Variants in ZSWIM6 observed in about 807,000 individuals in gnomAD.
ZSWIM6 encodes zinc finger SWIM-type containing 6, also known as zinc finger SWIM domain-containing protein 6.
ZSWIM6 carries 9 observed loss-of-function variants against 113.2 expected under a neutral mutation model. The ratio of observed to expected loss-of-function variants is 0.08; its 90% CI spans 0.05 to 0.14. The LOEUF (loss-of-function observed/expected upper bound fraction) is 0.14. Among genes scored for constraint, ZSWIM6 ranks in the 10% least tolerant of loss-of-function variants. ZSWIM6 has a pLI of 1.00. For synonymous variants in ZSWIM6, 611 were observed against 606.5 expected (o/e 1.01, Z -0.11); for missense variants, 1,162 against 1,552.2 (o/e 0.75, Z 4.22).
intron 1 of ZSWIM6, among the ~76,000 whole-genome samples, chr5:61,458,421 G>T (rs1464421764): frequency 6.6e-6 from 1 of 152,140 alleles, no homozygotes; most frequent in Admixed American, 6.5e-5. Context: ...AGATAACAGA[G>T]ATCCTAAACT....
intron 12 of ZSWIM6, 44 bp from the exon 13 acceptor site, chr5:61,541,840 C>A: frequency 6.9e-7 from 1 of 1,441,002 alleles, no homozygotes; most frequent in Admixed American, 2.1e-5. Flanking sequence ...TTTTCATTGA[C>A]TCAGGATAAT....
At chr5:61,508,461 C>T (rs1467803391) in intron 4 of ZSWIM6, among the ~76,000 whole-genome samples, 1 of 152,102 alleles carries the variant, frequency 6.6e-6, no homozygotes, top group Non-Finnish European at 1.5e-5. Flanking sequence ...TACAGCTCTT[C>T]TCATATGATG....
chr5:61,525,948 C>A lies in ZSWIM6; in HGVS notation c.1662C>A (p.Phe554Leu). ...CYHDDTENSL[F>L]DSRGWPLWHE... ...ATGACGACACTGAAAACTCCCTCTT[C>A]GACTCCCGCGGGTGGCCCCTCTGGC... Residue 554 changes from phenylalanine to leucine, a missense_variant, in exon 6 of 14, where the codon TTC (phenylalanine) becomes TTA (leucine). Physicochemically the swap from Phe to Leu is conservative, Grantham distance 22 (BLOSUM62 0). Around this residue, in one of 4 missense-constraint regions of ZSWIM6, gnomAD observed 620 missense variants for 804.6 expected, o/e 0.77. Transcript: ENST00000252744. The A allele has an allele frequency of 1.3e-6, 2 of 1,552,148 alleles. No individual in the cohort carries two copies. Among genetic ancestry groups the A allele is most frequent in the Non-Finnish European group, 1.7e-6 (2 of 1,147,050 alleles).
At chr5:61,497,061 T>G (rs1373000123) in intron 4 of ZSWIM6, among the ~76,000 whole-genome samples, 1 of 149,514 alleles carries the variant, frequency 6.7e-6, no homozygotes, top group African/African-American at 2.5e-5. Flanking sequence ...TCCTTAGCAC[T>G]GGTGGATTCG....
intron 1 of ZSWIM6, among the ~76,000 whole-genome samples, chr5:61,435,118 A>T (rs1293928003): frequency 6.6e-6 from 1 of 152,130 alleles, no homozygotes; most frequent in African/African-American, 2.4e-5. Context: ...ACTTCTATGG[A>T]CCTTCTGTCA....
At chr5:61,482,356 G>C (rs1051401817) in intron 2 of ZSWIM6, among the ~76,000 whole-genome samples, 7 of 148,218 alleles carry the variant, frequency 4.7e-5, no homozygotes, top group Admixed American at 2.7e-4. Flanking sequence ...TGGGGAGCGT[G>C]GGGGGTTAGG....
chr5:61,434,152 A>C (rs1746648105), intron 1 of ZSWIM6, among the ~76,000 whole-genome samples: 1 of 147,470 alleles, frequency 6.8e-6, no homozygotes, highest in Non-Finnish European at 1.5e-5. Context: ...TATAACATAT[A>C]TATAAATATA....
chr5:61,504,550 A>G (rs1198738602), intron 4 of ZSWIM6, among the ~76,000 whole-genome samples: 1 of 152,208 alleles, frequency 6.6e-6, no homozygotes, highest in African/African-American at 2.4e-5. Context: ...GCATTAAGAA[A>G]TTGTTTTTTT....
intron 2 of ZSWIM6, among the ~76,000 whole-genome samples, chr5:61,476,157 T>A (rs1232899780): frequency 6.6e-6 from 1 of 152,208 alleles, no homozygotes; most frequent in Non-Finnish European, 1.5e-5. Flanking sequence ...CCCTTTTTCC[T>A]TGTGAACTTA....
chr5:61,402,300 G>A (rs888576300), intron 1 of ZSWIM6, among the ~76,000 whole-genome samples: 3 of 152,142 alleles, frequency 2.0e-5, no homozygotes, highest in Admixed American at 6.5e-5. Flanking sequence ...TCAATGGAGA[G>A]AATGAATTTG....
intron 10 of ZSWIM6, among the ~76,000 whole-genome samples, chr5:61,536,089 C>T (rs904484336): frequency 6.6e-6 from 1 of 152,214 alleles, no homozygotes; most frequent in South Asian, 2.1e-4. Context: ...CATCTGTATT[C>T]ACTGGAGGCT....
At chr5:61,493,706 T>C (rs1748245477) in intron 3 of ZSWIM6, among the ~76,000 whole-genome samples, 1 of 152,166 alleles carries the variant, frequency 6.6e-6, no homozygotes, top group Non-Finnish European at 1.5e-5. Context: ...CAGCAGCACC[T>C]TGCTTAAATC....
intron 1 of ZSWIM6, among the ~76,000 whole-genome samples, chr5:61,465,788 G>T (rs1747420950): frequency 6.6e-6 from 1 of 152,146 alleles, no homozygotes. Context: ...ATGAAGTGTA[G>T]GAGTGATTGA....
At position 61,332,334 on chromosome 5, in the gene ZSWIM6, G is replaced by C; in HGVS notation, c.62G>C (p.Gly21Ala). The part of the protein sequence containing the change: ...AKRLCCRPGG[G>A]GGGGGSSGGG... ...CGGCTTTGCTGCCGGCCGGGCGGCG[G>C]CGGCGGCGGCGGGGGCAGCAGCGGC... Residue 21 changes from glycine (G) to alanine (A), a missense_variant, in exon 1 of 14, where the codon GGC becomes GCC. Gly to Ala is a moderately conservative substitution (Grantham distance 60, BLOSUM62 0). Around this residue, in one of 4 missense-constraint regions of ZSWIM6, gnomAD observed 333 missense variants for 293.4 expected, o/e 1.13. Transcript: ENST00000252744. 2 of 1,065,752 alleles carry C rather than the reference G, an allele frequency of 1.9e-6. No homozygotes were observed. The highest frequency in any genetic ancestry group is 2.3e-6 in the Non-Finnish European group (2 of 866,108). 66.0% of individuals were successfully genotyped at this position (1,065,752 alleles called of 1,614,324 possible).
Position 61,472,652 on chromosome 5 carries a change from A to AC in ZSWIM6, c.677-26dup. ...CATAGCATCTGAATGCAGAAGCTAA[A>AC]CCCTCCCTTTCTTTCTTTCACCCTC... On this transcript the variant is annotated intron_variant, in intron 1 of 13. Coordinates refer to ENST00000252744, the MANE Select transcript of ZSWIM6 (RefSeq NM_020928.2). The surrounding 1 kb of genome is among the most constrained non-coding windows in gnomAD (Gnocchi z 4.1). 6.9e-7 allele frequency: 1 copy of AC among 1,457,076 alleles called. No individual in the cohort carries two copies. The highest frequency in any genetic ancestry group is 9.2e-7 in the Non-Finnish European group (1 of 1,091,278). 90.3% of individuals were successfully genotyped at this position (1,457,076 alleles called of 1,614,324 possible).
At chr5:61,339,203 A>G (rs1744475617) in intron 1 of ZSWIM6, among the ~76,000 whole-genome samples, 1 of 152,168 alleles carries the variant, frequency 6.6e-6, no homozygotes, top group Non-Finnish European at 1.5e-5. Flanking sequence ...GAAAAATCAC[A>G]TGAGACCAGC....
At chr5:61,493,036 G>A (rs1263293937) in intron 3 of ZSWIM6, among the ~76,000 whole-genome samples, 2 of 151,950 alleles carry the variant, frequency 1.3e-5, no homozygotes, top group African/African-American at 4.8e-5. Context: ...ATTCATTTAG[G>A]GCTTGCTGCA....
chr5:61,517,542 C>T (rs1246910002), intron 4 of ZSWIM6, among the ~76,000 whole-genome samples: 1 of 151,996 alleles, frequency 6.6e-6, no homozygotes, highest in Admixed American at 6.6e-5. Flanking sequence ...TTACTTTCAT[C>T]TCATGGAGCA....
intron 1 of ZSWIM6, among the ~76,000 whole-genome samples, chr5:61,425,985 ATCTT>A (rs1746456157): frequency 6.6e-6 from 1 of 152,242 alleles, no homozygotes; most frequent in South Asian, 2.1e-4. Flanking sequence ...CAGGATAGCT[ATCTT>A]TCTTCCTATT....
Sources: gnomAD v4.1 joint callset for allele counts (sites outside exome capture counted in the v4.1 genomes callset) on GRCh38, gnomAD v4.1.1 for gene constraint, gnomAD v4.1.1 regional missense constraint, Gnocchi (gnomAD v3.1) non-coding constraint, MANE v1.5 for transcripts, NCBI Gene and HGNC (gene_info 2026-07-23, HGNC 2026-07-21) for gene names.